CCDC178: variants seen among roughly 807,000 people sequenced by gnomAD.
The protein encoded by CCDC178 is coiled-coil domain containing 178.
A neutral mutation model predicts 117.4 loss-of-function variants in CCDC178; 126 were observed. The ratio of observed to expected loss-of-function variants is 1.07; its 90% CI spans 0.93 to 1.24. The LOEUF (loss-of-function observed/expected upper bound fraction) is 1.24. Ranked by LOEUF, CCDC178 falls within the 50% of genes most tolerant of loss-of-function variation. CCDC178 has a pLI of 0.00. For synonymous variants in CCDC178, 283 were observed against 313.4 expected (o/e 0.90, Z 1.02); for missense variants, 1,030 against 986.9 (o/e 1.04, Z -0.59).
chr18:33,294,197 A>G (rs72948826), intron 11 of CCDC178, among the ~76,000 whole-genome samples: 9,388 of 152,276 alleles, frequency 0.062, 435 homozygotes, highest in East Asian at 0.13. Context: ...GGTAGAAACC[A>G]CTTTCCAAAT....
intron 20 of CCDC178, among the ~76,000 whole-genome samples, chr18:33,169,651 T>A (rs1177555850): frequency 6.6e-6 from 1 of 152,182 alleles, no homozygotes; most frequent in Non-Finnish European, 1.5e-5. Context: ...TTACTTAAAA[T>A]TCTTATAAAA....
At chr18:33,420,194 G>A (rs2064004978) in intron 2 of CCDC178, among the ~76,000 whole-genome samples, 1 of 151,980 alleles carries the variant, frequency 6.6e-6, no homozygotes, top group Non-Finnish European at 1.5e-5. Context: ...AATAACACAG[G>A]AACAGAAAAG....
At chr18:32,975,824 A>G (rs996231160) in intron 21 of CCDC178, among the ~76,000 whole-genome samples, 5 of 152,108 alleles carry the variant, frequency 3.3e-5, no homozygotes, top group African/African-American at 1.2e-4. Context: ...CATGTGAAAA[A>G]TGTGGCTATC....
chr18:33,051,804 G>A (rs1190203032), intron 21 of CCDC178, among the ~76,000 whole-genome samples: 2 of 152,146 alleles, frequency 1.3e-5, no homozygotes, highest in Non-Finnish European at 2.9e-5. Context: ...ATTTACCAAT[G>A]TATTTTATAT....
chr18:33,152,847 T>A (rs2058355536), intron 20 of CCDC178, among the ~76,000 whole-genome samples: 1 of 151,994 alleles, frequency 6.6e-6, no homozygotes, highest in African/African-American at 2.4e-5. Context: ...AAGCAGTTGA[T>A]CCAATGCTAG....
At chr18:33,096,119 C>CT (rs1445515484) in intron 20 of CCDC178, among the ~76,000 whole-genome samples, 5 of 150,454 alleles carry the variant, frequency 3.3e-5, no homozygotes, top group African/African-American at 1.2e-4. Flanking sequence ...ACTCCCCACC[C>CT]CCCCCACTTG....
intron 5 of CCDC178, among the ~76,000 whole-genome samples, chr18:33,378,587 C>G (rs1482516727): frequency 6.6e-6 from 1 of 152,036 alleles, no homozygotes; most frequent in Non-Finnish European, 1.5e-5. Flanking sequence ...ATAGATGGCT[C>G]TCATTATTTT....
intron 20 of CCDC178, among the ~76,000 whole-genome samples, chr18:33,106,659 T>C (rs2057709463): frequency 6.6e-6 from 1 of 151,704 alleles, no homozygotes; most frequent in African/African-American, 2.4e-5. Flanking sequence ...GGGAATATGC[T>C]ATGCTACATG....
chr18:33,083,298 A>T lies in CCDC178; in HGVS notation c.2388+9463T>A, dbSNP rs553590686. On this transcript the variant is annotated intron_variant, in intron 21 of 22. Coordinates refer to ENST00000383096, the MANE Select transcript of CCDC178 (RefSeq NM_001105528.4). ...ACACTGTTCTGCCCATTTTATAATC[A>T]AATCCTTGTTGAAAACACCATTTGT... Among the ~76,000 whole-genome samples the T allele has an allele frequency of 2.0e-5, 3 of 152,312 alleles. No individual in the cohort carries two copies. The South Asian group carries it at 6.2e-4, about 32-fold the overall frequency.
intron 5 of CCDC178, among the ~76,000 whole-genome samples, chr18:33,379,328 G>A (rs936741002): frequency 2.6e-5 from 4 of 151,722 alleles, no homozygotes; most frequent in Admixed American, 2.6e-4. Context: ...TCTGTTAGCA[G>A]GTTTTCTATT....
intron 21 of CCDC178, among the ~76,000 whole-genome samples, chr18:33,068,049 T>A (rs183531818): frequency 1.9e-4 from 29 of 151,516 alleles, no homozygotes; most frequent in Admixed American, 1.6e-3. Flanking sequence ...AATTACATGG[T>A]AAAAAAATGG....
At chr18:33,057,028 G>A (rs1567961143) in intron 21 of CCDC178, among the ~76,000 whole-genome samples, 1 of 150,152 alleles carries the variant, frequency 6.7e-6, no homozygotes, top group East Asian at 2.0e-4. Context: ...AGAAAAAAAG[G>A]AAAAAAGTCA....
At chr18:32,970,327 T>C (rs1350931782) in intron 22 of CCDC178, among the ~76,000 whole-genome samples, 1 of 151,976 alleles carries the variant, frequency 6.6e-6, no homozygotes, top group Non-Finnish European at 1.5e-5. Context: ...AATTTCTTTT[T>C]TTCTGTTTAA....
At chr18:33,030,279 A>T (rs983794534) in intron 21 of CCDC178, among the ~76,000 whole-genome samples, 5 of 152,000 alleles carry the variant, frequency 3.3e-5, no homozygotes, top group Non-Finnish European at 4.4e-5. Flanking sequence ...CACATATTCT[A>T]GCTTTTCTTT....
intron 15 of CCDC178, among the ~76,000 whole-genome samples, chr18:33,236,441 C>T (rs1246588162): frequency 6.6e-6 from 1 of 151,968 alleles, no homozygotes; most frequent in Non-Finnish European, 1.5e-5. Context: ...TTTTTAATGC[C>T]GTATATATTC....
chr18:33,228,876 G>C (rs1044476949), intron 15 of CCDC178, among the ~76,000 whole-genome samples: 1 of 152,178 alleles, frequency 6.6e-6, no homozygotes, highest in Non-Finnish European at 1.5e-5. Context: ...AAAATGCCAA[G>C]AGGCTACACA....
chr18:33,236,283 C>G (rs920987075), intron 15 of CCDC178, among the ~76,000 whole-genome samples: 2 of 152,122 alleles, frequency 1.3e-5, no homozygotes, highest in African/African-American at 2.4e-5. Flanking sequence ...TTTCATGAAT[C>G]AGTCCATGAA....
intron 21 of CCDC178, among the ~76,000 whole-genome samples, chr18:33,063,977 T>C (rs904686182): frequency 1.4e-4 from 22 of 152,156 alleles, no homozygotes; most frequent in Non-Finnish European, 1.5e-4. Flanking sequence ...CCTACCCAGA[T>C]TCAAAGCCAA....
intron 5 of CCDC178, among the ~76,000 whole-genome samples, chr18:33,371,208 T>C (rs1307045279): frequency 1.3e-5 from 2 of 151,960 alleles, no homozygotes; most frequent in Middle Eastern, 3.2e-3. Flanking sequence ...CTTGTAAAAA[T>C]GGCATGTTTC....
Sources: allele counts gnomAD v4.1 joint callset (sites outside exome capture counted in the v4.1 genomes callset), GRCh38; gene constraint gnomAD v4.1.1; transcripts MANE v1.5; gene names NCBI Gene and HGNC (gene_info 2026-07-23, HGNC 2026-07-21).